The following CRTC1 variants were observed in gnomAD, a reference collection of about 807,000 sequenced individuals.
CRTC1 encodes the protein CREB regulated transcription coactivator 1.
CRTC1 carries 18 observed loss-of-function variants against 66.1 expected under a neutral mutation model. The ratio of observed to expected loss-of-function variants is 0.27; its 90% CI spans 0.19 to 0.40. CRTC1 has a LOEUF of 0.40. CRTC1 is among the 10% of genes least tolerant of loss of function. The probability of loss-of-function intolerance (pLI) is 1.00; values close to 1 mark genes in which losing one functional copy is unlikely to be tolerated. For missense variants in CRTC1, 669 were observed against 887.9 expected (o/e 0.75, Z 3.13); for synonymous variants, 416 against 398.8 (o/e 1.04, Z -0.51).
chr19:18,728,418 G>A (rs1285278482), intron 1 of CRTC1, among the ~76,000 whole-genome samples: 1 of 152,158 alleles, frequency 6.6e-6, no homozygotes, highest in African/African-American at 2.4e-5. Context: ...CAGAGATCCC[G>A]ATTTCATTCA....
chr19:18,743,737 CCACCGCCACCTG>C (rs1453011831), intron 2 of CRTC1, among the ~76,000 whole-genome samples: 1 of 152,254 alleles, frequency 6.6e-6, no homozygotes, highest in African/African-American at 2.4e-5. Flanking sequence ...CCCACCAGCT[CCACCGCCACCTG>C]CACCGCCGCT....
intron 1 of CRTC1, among the ~76,000 whole-genome samples, chr19:18,729,614 C>A (rs970236251): frequency 2.0e-5 from 3 of 151,280 alleles, no homozygotes; most frequent in Admixed American, 6.6e-5. Flanking sequence ...GTTGGCCTGC[C>A]GCTGTAGTCC....
At chr19:18,693,949 A>G (rs527954467) in intron 1 of CRTC1, among the ~76,000 whole-genome samples, 1 of 152,090 alleles carries the variant, frequency 6.6e-6, no homozygotes, top group African/African-American at 2.4e-5. Flanking sequence ...CCTGGCCAAC[A>G]TGGTGAAACC....
At chr19:18,707,791 TC>T (rs1486597292) in intron 1 of CRTC1, among the ~76,000 whole-genome samples, 3 of 152,190 alleles carry the variant, frequency 2.0e-5, no homozygotes, top group Non-Finnish European at 4.4e-5. Flanking sequence ...GCCCAGGAGT[TC>T]AAGACCAGGC....
intron 11 of CRTC1, among the ~76,000 whole-genome samples, chr19:18,773,218 A>G (rs1568542559): frequency 6.6e-6 from 1 of 152,092 alleles, no homozygotes; most frequent in East Asian, 1.9e-4. Context: ...TGGAGCCGAG[A>G]CCTGCCTTCC....
chr19:18,746,787 G>T (rs901476285), intron 3 of CRTC1, among the ~76,000 whole-genome samples: 2 of 152,168 alleles, frequency 1.3e-5, no homozygotes, highest in Non-Finnish European at 2.9e-5. Context: ...CCCTTGGAAG[G>T]GGTGCAGCCC....
At position 18,777,254 on chromosome 19, in the gene CRTC1, A is replaced by C; in HGVS notation, c.1777A>C (p.Ser593Arg). Residue 593 changes from serine to arginine, a missense_variant, in exon 14 of 14, where the codon AGC (serine) becomes CGC (arginine). By Grantham distance (110) the Ser-to-Arg change is moderately radical. This residue lies in a region of CRTC1 where 91 missense variants were observed against 99.1 expected (regional missense o/e 0.92). Coordinates refer to ENST00000321949, the MANE Select transcript of CRTC1 (RefSeq NM_015321.3). The surrounding 1 kb of genome is among the most constrained non-coding windows in gnomAD (Gnocchi z 5.5). ...GVGDVSFDSDSQFPLDELKID... is the reference protein window; with the variant it reads ...GVGDVSFDSDRQFPLDELKID... ...CGGCGACGTCAGCTTCGACTCCGACAGCCAGTTTCCCCTGGACGAACTCAA... is the reference window on the plus strand; with the variant it reads ...CGGCGACGTCAGCTTCGACTCCGACCGCCAGTTTCCCCTGGACGAACTCAA... 1 of 1,609,820 alleles carries C rather than the reference A, an allele frequency of 6.2e-7. No individual in the cohort carries two copies. The highest frequency in any genetic ancestry group is 8.5e-7 in the Non-Finnish European group (1 of 1,179,274).
Position 18,775,735 on chromosome 19 carries a change from G to T in CRTC1, c.1607G>T (p.Gly536Val), listed in dbSNP as rs767008342. ...AACTACTCGCAGGCGGCCATGATGGGCCTCACGGGCAGCCACGGGAGCCTG... is the reference window on the plus strand; with the variant it reads ...AACTACTCGCAGGCGGCCATGATGGTCCTCACGGGCAGCCACGGGAGCCTG... ...TLNYSQAAMM[G>V]LTGSHGSLPD... The change falls in exon 13 of 14, where the codon GGC becomes GTC. Residue 536 changes from glycine to valine, a missense_variant. Around this residue, in one of 8 missense-constraint regions of CRTC1, gnomAD observed 79 missense variants for 100.1 expected, o/e 0.79. Coordinates refer to ENST00000321949, the MANE Select transcript of CRTC1 (RefSeq NM_015321.3). 5 of 1,612,520 alleles carry T rather than the reference G, an allele frequency of 3.1e-6. No individual in the cohort carries two copies. The East Asian group carries it at 1.1e-4, about 36-fold the overall frequency.
At chr19:18,774,814 T>C in intron 11 of CRTC1, 86 bp from the exon 12 acceptor site, 3 of 1,328,540 alleles carry the variant, frequency 2.3e-6, no homozygotes, top group Non-Finnish European at 3.2e-6. Context: ...TCCAGGGGCC[T>C]CTTGTCTTCC....
chr19:18,695,584 G>A (rs2052965117), intron 1 of CRTC1, among the ~76,000 whole-genome samples: 1 of 152,108 alleles, frequency 6.6e-6, no homozygotes, highest in South Asian at 2.1e-4. Flanking sequence ...CAGTACACAC[G>A]GCCGGGTGTG....
chr19:18,694,718 G>T (rs1196798930), intron 1 of CRTC1, among the ~76,000 whole-genome samples: 1 of 152,176 alleles, frequency 6.6e-6, no homozygotes, highest in Non-Finnish European at 1.5e-5. Flanking sequence ...TTACAGGTGT[G>T]AGTCACTGCG....
chr19:18,758,604 C>T (rs1386080686), intron 6 of CRTC1, among the ~76,000 whole-genome samples: 4 of 152,162 alleles, frequency 2.6e-5, no homozygotes, highest in African/African-American at 4.8e-5. Flanking sequence ...AGCAGAGGGA[C>T]GTCTCGGGAC....
intron 1 of CRTC1, among the ~76,000 whole-genome samples, chr19:18,720,526 T>G (rs1012298966): frequency 5.0e-5 from 2 of 40,028 alleles, no homozygotes; most frequent in Admixed American, 2.7e-4. Context: ...ATTTTTAGTG[T>G]TTTTTTTTTT....
Position 18,777,385 on chromosome 19 carries a change from G to T in CRTC1, c.*3G>T, listed in dbSNP as rs199510737. 1 of 1,600,974 alleles carries T rather than the reference G, an allele frequency of 6.2e-7. No homozygotes were observed. Among genetic ancestry groups the T allele is most frequent in the Non-Finnish European group, 8.5e-7 (1 of 1,179,550 alleles). ...CCTTCCGGATGGACCGCCTGTGAGC[G>T]GGCACGCCGGCACCCTGCCGCTCAG... On this transcript the variant is annotated 3_prime_UTR_variant, in exon 14 of 14. Transcript: ENST00000321949. This position sits in a 1 kb window ranked among gnomAD's most constrained non-coding sequence, Gnocchi z 5.5.
At chr19:18,762,325 T>C (rs2054632386) in intron 8 of CRTC1, among the ~76,000 whole-genome samples, 1 of 152,198 alleles carries the variant, frequency 6.6e-6, no homozygotes, top group South Asian at 2.1e-4. Flanking sequence ...CGGTAATGCC[T>C]GACATGTGTT....
chr19:18,773,858 CG>C (rs565672046), intron 11 of CRTC1, among the ~76,000 whole-genome samples: 1 of 152,180 alleles, frequency 6.6e-6, no homozygotes, highest in African/African-American at 2.4e-5. Flanking sequence ...GGTTTGTGGC[CG>C]GCCCCTCTCT....
rs888080971 is a variant in CRTC1, at chr19:18,741,405, A to C, written c.127-1505A>C. ...CTGTAGCACTCACTCTAGGTCGGGGACACAGGTCCAGGAGGGGTCACAGCC... is the reference window on the plus strand; with the variant it reads ...CTGTAGCACTCACTCTAGGTCGGGGCCACAGGTCCAGGAGGGGTCACAGCC... On this transcript the variant is annotated intron_variant, in intron 1 of 13. Coordinates refer to ENST00000321949, the MANE Select transcript of CRTC1 (RefSeq NM_015321.3). The surrounding 1 kb of genome is among the most constrained non-coding windows in gnomAD (Gnocchi z 4.2). Among the ~76,000 whole-genome samples the C allele has an allele frequency of 4.6e-5, 7 of 152,198 alleles. No homozygotes were observed. The highest frequency in any genetic ancestry group is 8.8e-5 in the Non-Finnish European group (6 of 68,040).
chr19:18,768,399 G>A lies in CRTC1; in HGVS notation c.1012-86G>A. 8.4e-7 allele frequency: 1 copy of A among 1,183,926 alleles called. No individual in the cohort carries two copies. The highest frequency in any genetic ancestry group is 1.2e-6 in the Non-Finnish European group (1 of 835,624). The allele number at this position is 1,183,926 out of a possible 1,614,324, so 73.3% of individuals were successfully genotyped here. ...ATCACAGGGCCCTTCCACCTCGCCTGCTGAGCATGCCAGGCTATGGGGGCC... is the reference window on the plus strand; with the variant it reads ...ATCACAGGGCCCTTCCACCTCGCCTACTGAGCATGCCAGGCTATGGGGGCC... On this transcript the variant is annotated intron_variant, in intron 9 of 13. Coordinates refer to ENST00000321949, the MANE Select transcript of CRTC1 (RefSeq NM_015321.3). The surrounding 1 kb of genome is among the most constrained non-coding windows in gnomAD (Gnocchi z 5.6).
At chr19:18,765,560 G>A (rs1321904277) in intron 9 of CRTC1, 32 bp downstream of exon 9, 31 of 1,585,488 alleles carry the variant, frequency 2.0e-5, no homozygotes, top group Non-Finnish European at 2.6e-5. Flanking sequence ...CAGGTGGGAG[G>A]GGGAAAGGGA....
Sources: gnomAD v4.1 joint callset for allele counts (sites outside exome capture counted in the v4.1 genomes callset) on GRCh38, gnomAD v4.1.1 for gene constraint, gnomAD v4.1.1 regional missense constraint, Gnocchi (gnomAD v3.1) non-coding constraint, MANE v1.5 for transcripts, NCBI Gene and HGNC (gene_info 2026-07-23, HGNC 2026-07-21) for gene names.